Variants in FGGY observed in about 807,000 individuals in gnomAD.
The protein encoded by FGGY is FGGY carbohydrate kinase domain containing.
FGGY carries 72 observed loss-of-function variants against 71.3 expected under a neutral mutation model. The ratio of observed to expected loss-of-function variants is 1.01; its 90% CI spans 0.84 to 1.23. FGGY has a LOEUF of 1.23. Among genes scored for constraint, FGGY ranks in the 50% most tolerant of loss-of-function variants. The pLI is 0.00. For synonymous variants in FGGY, 251 were observed against 250.3 expected (o/e 1.00, Z -0.02); for missense variants, 668 against 682.3 (o/e 0.98, Z 0.23).
intron 14 of FGGY, among the ~76,000 whole-genome samples, chr1:59,703,461 T>C (rs2097727029): frequency 6.6e-6 from 1 of 152,174 alleles, no homozygotes; most frequent in Admixed American, 6.6e-5. Flanking sequence ...AATGGCAAAG[T>C]TGGAATTGGA....
chr1:59,754,070 T>G (rs1055198370), intron 14 of FGGY, among the ~76,000 whole-genome samples: 3 of 152,240 alleles, frequency 2.0e-5, no homozygotes, highest in Non-Finnish European at 4.4e-5. Flanking sequence ...TCTTTCTTCC[T>G]CATTCACTTT....
intron 7 of FGGY, among the ~76,000 whole-genome samples, chr1:59,528,240 T>A (rs1414282391): frequency 6.6e-6 from 1 of 152,188 alleles, no homozygotes; most frequent in African/African-American, 2.4e-5. Context: ...AGTAGAGCAA[T>A]AAAGAGTTTT....
intron 2 of FGGY, among the ~76,000 whole-genome samples, chr1:59,338,718 AATTT>A (rs1394369878): frequency 1.3e-5 from 2 of 152,158 alleles, no homozygotes; most frequent in Non-Finnish European, 2.9e-5. Flanking sequence ...AACATGCCAT[AATTT>A]ATTTAATAAA....
chr1:59,515,263 C>T (rs1284624791), intron 7 of FGGY, among the ~76,000 whole-genome samples: 1 of 152,122 alleles, frequency 6.6e-6, no homozygotes, highest in Non-Finnish European at 1.5e-5. Context: ...GGCCCTGAAA[C>T]TCCTTTGTTT....
At position 59,599,269 on chromosome 1, in the gene FGGY, A is replaced by G. The variant is rs190420765; in HGVS notation, c.904-8534A>G. 2.0e-5 allele frequency among the ~76,000 whole-genome samples: 3 copies of G among 152,048 alleles called. No homozygotes were observed. The East Asian group carries it at 5.9e-4, about 30-fold the overall frequency. On this transcript the variant is annotated intron_variant, in intron 8 of 15. Coordinates refer to ENST00000303721, the MANE Select transcript of FGGY (RefSeq NM_018291.5). ...CAGGCACGTGCCACCACACCTAGCTAATTTTTGTATTTTTAGTAGAGCCAG... is the reference window on the plus strand; with the variant it reads ...CAGGCACGTGCCACCACACCTAGCTGATTTTTGTATTTTTAGTAGAGCCAG...
intron 14 of FGGY, among the ~76,000 whole-genome samples, chr1:59,711,103 A>G (rs1300944808): frequency 6.6e-6 from 1 of 152,240 alleles, no homozygotes; most frequent in Non-Finnish European, 1.5e-5. Flanking sequence ...ATGGAATACT[A>G]TGCAGCCATA....
At chr1:59,378,250 T>C (rs759699997) in intron 4 of FGGY, among the ~76,000 whole-genome samples, 16 of 152,086 alleles carry the variant, frequency 1.1e-4, no homozygotes, top group Non-Finnish European at 1.9e-4. Context: ...TGGGAGATAA[T>C]TGAATCATGA....
intron 5 of FGGY, among the ~76,000 whole-genome samples, chr1:59,399,503 G>T (rs1039191088): frequency 5.3e-5 from 8 of 152,118 alleles, no homozygotes; most frequent in African/African-American, 1.9e-4. Flanking sequence ...TGGCAAAGCG[G>T]ACTCTCTGAA....
chr1:59,617,533 C>T (rs918036031), intron 9 of FGGY, among the ~76,000 whole-genome samples: 1 of 152,174 alleles, frequency 6.6e-6, no homozygotes, highest in African/African-American at 2.4e-5. Context: ...ATTTTAGTTT[C>T]ATCACACATC....
At position 59,534,963 on chromosome 1, in the gene FGGY, A is replaced by T. The variant is rs867861919; in HGVS notation, c.800-19161A>T. Among the ~76,000 whole-genome samples the T allele has an allele frequency of 7.4e-4, 113 of 151,854 alleles. 1 individual carries two copies. In the Middle Eastern group the frequency reaches 0.014, roughly 18 times the overall value. ...ACCAGCTAACATCATAATGACAGGA[A>T]CAAATTCACACATAACAATATTAAC... is the stretch of plus-strand genomic sequence containing the variant. On this transcript the variant is annotated intron_variant, in intron 7 of 15. Coordinates refer to ENST00000303721, the MANE Select transcript of FGGY (RefSeq NM_018291.5).
At chr1:59,678,382 A>C (rs1174594081) in intron 14 of FGGY, among the ~76,000 whole-genome samples, 3 of 152,220 alleles carry the variant, frequency 2.0e-5, no homozygotes, top group Non-Finnish European at 4.4e-5. Context: ...AATAATTATA[A>C]TTAGAAGCTG....
rs151309628 is a variant in FGGY at position 59,423,558 on chromosome 1, C to T, written c.555-33403C>T. ...GTCCTCTGCTTTCCGGCCCACTTTT[C>T]TCAGGGGGATCCTCTTTCAAATAAA... On this transcript the variant is annotated intron_variant, in intron 5 of 15. Transcript: ENST00000303721. Among the ~76,000 whole-genome samples the T allele has an allele frequency of 8.1e-3, 1,226 of 152,298 alleles. 17 individuals carry two copies. Among genetic ancestry groups the T allele is most frequent in the African/African-American group, 0.029 (1,185 of 41,554 alleles).
intron 14 of FGGY, among the ~76,000 whole-genome samples, chr1:59,705,689 T>A (rs547202356): frequency 6.6e-6 from 1 of 152,368 alleles, no homozygotes; most frequent in African/African-American, 2.4e-5. Flanking sequence ...GACATAACTT[T>A]GCTTCTCTGA....
At chr1:59,759,857 T>A (rs1490444290) in intron 15 of FGGY, among the ~76,000 whole-genome samples, 1 of 152,238 alleles carries the variant, frequency 6.6e-6, no homozygotes, top group Non-Finnish European at 1.5e-5. Context: ...TGTAATTTAG[T>A]GACTATAGTT....
intron 2 of FGGY, among the ~76,000 whole-genome samples, chr1:59,335,907 T>G (rs1021825673): frequency 6.6e-6 from 1 of 152,218 alleles, no homozygotes; most frequent in African/African-American, 2.4e-5. Context: ...GCAAGTATAT[T>G]ATCAGATGTG....
intron 8 of FGGY, among the ~76,000 whole-genome samples, chr1:59,576,269 A>G (rs1178927799): frequency 6.6e-6 from 1 of 152,152 alleles, no homozygotes; most frequent in Non-Finnish European, 1.5e-5. Flanking sequence ...TGAATCTGGG[A>G]GCCATCATTC....
intron 14 of FGGY, among the ~76,000 whole-genome samples, chr1:59,721,815 C>T (rs925660636): frequency 6.6e-6 from 1 of 151,904 alleles, no homozygotes; most frequent in Non-Finnish European, 1.5e-5. Context: ...AGACACCTGA[C>T]AGGTAACTGA....
intron 7 of FGGY, among the ~76,000 whole-genome samples, chr1:59,514,289 G>A (rs181597070): frequency 1.3e-5 from 2 of 152,254 alleles, no homozygotes; most frequent in Admixed American, 1.3e-4. Flanking sequence ...GCTGGGACCG[G>A]CATATGCTGA....
At chr1:59,439,593 G>T (rs2069272951) in intron 5 of FGGY, among the ~76,000 whole-genome samples, 1 of 152,060 alleles carries the variant, frequency 6.6e-6, no homozygotes, top group African/African-American at 2.4e-5. Flanking sequence ...ACATCATCAT[G>T]TCTTCTAGCC....
Sources: allele counts gnomAD v4.1 joint callset (sites outside exome capture counted in the v4.1 genomes callset), GRCh38; gene constraint gnomAD v4.1.1; transcripts MANE v1.5; gene names NCBI Gene and HGNC (gene_info 2026-07-23, HGNC 2026-07-21).